The following DNAJC3 variants were observed in gnomAD, a reference collection of about 807,000 sequenced individuals.
DNAJC3 encodes DnaJ heat shock protein family (Hsp40) member C3, also known as dnaJ homolog subfamily C member 3.
Under a neutral mutation model 68.6 loss-of-function variants are expected in DNAJC3, and 38 were observed. That is an observed-to-expected ratio of 0.55 (90% CI 0.43 to 0.73). The LOEUF is 0.73. Among genes scored for constraint, DNAJC3 ranks in the 30% least tolerant of loss-of-function variants. The pLI is 0.00. For missense variants in DNAJC3, 526 were observed against 591.9 expected, an observed-to-expected ratio of 0.89 and a Z score of 1.16; for synonymous variants, 203 against 204.0, an observed-to-expected ratio of 1.00 and a Z score of 0.04.
chr13:95,719,770 G>A (rs1392393830), intron 2 of DNAJC3, among the ~76,000 whole-genome samples: 2 of 152,166 alleles, frequency 1.3e-5, no homozygotes, highest in Non-Finnish European at 2.9e-5. Flanking sequence ...GAATTAGTGA[G>A]CACTCCAGAA....
In DNAJC3 at chr13:95,791,184, C is replaced by A; in HGVS notation, c.*154C>A. The A allele has an allele frequency of 1.2e-6, 1 of 862,114 alleles. No individual in the cohort carries two copies. Among genetic ancestry groups the A allele is most frequent in the Non-Finnish European group, 1.8e-6 (1 of 567,406 alleles). The allele number at this position is 862,114 out of a possible 1,614,324, so 53.4% of individuals were successfully genotyped here. A position where few individuals can be genotyped will look rare whatever the true frequency, so the allele number is the denominator to read the frequency against. ...GGAAAAAATCTGTTCTTATCCCTGT[C>A]AGATTTATGGTTAATGGGTTTGCAA... On this transcript the variant is annotated 3_prime_UTR_variant, in exon 12 of 12. Coordinates refer to ENST00000602402, the MANE Select transcript of DNAJC3 (RefSeq NM_006260.5).
chr13:95,702,268 C>T (rs1486571214), intron 1 of DNAJC3, among the ~76,000 whole-genome samples: 1 of 152,080 alleles, frequency 6.6e-6, no homozygotes, highest in East Asian at 1.9e-4. Context: ...TTTCTCTTAC[C>T]CTCCCAAGCA....
chr13:95,736,408 T>A (rs1371513115), intron 4 of DNAJC3, among the ~76,000 whole-genome samples: 5 of 149,516 alleles, frequency 3.3e-5, no homozygotes, highest in African/African-American at 1.2e-4. Flanking sequence ...TAAATTACCT[T>A]GGGCAGTATG....
intron 1 of DNAJC3, among the ~76,000 whole-genome samples, chr13:95,696,708 C>T (rs1880449710): frequency 6.6e-6 from 1 of 151,586 alleles, no homozygotes; most frequent in African/African-American, 2.4e-5. Flanking sequence ...TGTCTTTAGC[C>T]ATTAGGTGAG....
intron 1 of DNAJC3, among the ~76,000 whole-genome samples, chr13:95,686,705 C>T (rs1483485165): frequency 6.6e-6 from 1 of 151,846 alleles, no homozygotes; most frequent in Non-Finnish European, 1.5e-5. Flanking sequence ...GGTTTTATTT[C>T]TGGGGTTCTC....
chr13:95,694,199 C>G (rs1275637892), intron 1 of DNAJC3: 1 of 152,354 alleles, frequency 6.6e-6, no homozygotes, highest in Non-Finnish European at 1.5e-5. Flanking sequence ...CAAATCAACA[C>G]CAATTCTATT....
At chr13:95,765,997 T>G (rs1455432936) in intron 9 of DNAJC3, among the ~76,000 whole-genome samples, 2 of 152,234 alleles carry the variant, frequency 1.3e-5, no homozygotes, top group Admixed American at 6.5e-5. Context: ...CCTGTATAAC[T>G]GAAACTGATA....
intron 2 of DNAJC3, among the ~76,000 whole-genome samples, chr13:95,712,480 G>A (rs373757028): frequency 5.9e-5 from 9 of 151,270 alleles, no homozygotes; most frequent in African/African-American, 1.5e-4. Flanking sequence ...AGGTTTAGGC[G>A]ATTCTCCTGC....
At chr13:95,751,753 A>G (rs745737703) in intron 4 of DNAJC3, among the ~76,000 whole-genome samples, 2 of 152,230 alleles carry the variant, frequency 1.3e-5, no homozygotes, top group Non-Finnish European at 2.9e-5. Flanking sequence ...CATACCCGAC[A>G]CTGGGTAATT....
intron 2 of DNAJC3, among the ~76,000 whole-genome samples, chr13:95,713,000 T>G (rs995860882): frequency 6.6e-6 from 1 of 152,104 alleles, no homozygotes; most frequent in Non-Finnish European, 1.5e-5. Context: ...AAGGGACTTT[T>G]CCCCCTTTTG....
intron 9 of DNAJC3, among the ~76,000 whole-genome samples, chr13:95,773,159 T>G (rs1171016349): frequency 2.6e-5 from 4 of 150,952 alleles, no homozygotes; most frequent in Non-Finnish European, 5.9e-5. Flanking sequence ...TTAGTTTTTT[T>G]TTTTTTTTTC....
At chr13:95,783,874 C>G (rs1883520805) in intron 9 of DNAJC3, among the ~76,000 whole-genome samples, 1 of 152,152 alleles carries the variant, frequency 6.6e-6, no homozygotes, top group Non-Finnish European at 1.5e-5. Flanking sequence ...ACAGGACTCT[C>G]TACAAGGCCA....
At chr13:95,689,772 T>C (rs1216005966) in intron 1 of DNAJC3, among the ~76,000 whole-genome samples, 1 of 152,136 alleles carries the variant, frequency 6.6e-6, no homozygotes, top group Non-Finnish European at 1.5e-5. Flanking sequence ...TTTTGTGGTA[T>C]CCCAGAGGTT....
intron 6 of DNAJC3, 83 bp downstream of exon 6, chr13:95,760,304 T>A: frequency 1.7e-6 from 2 of 1,204,852 alleles, no homozygotes; most frequent in Non-Finnish European, 2.2e-6. Flanking sequence ...ATTTTAATAT[T>A]AAATTAATAA....
At chr13:95,702,358 G>A (rs1187363414) in intron 1 of DNAJC3, among the ~76,000 whole-genome samples, 4 of 152,138 alleles carry the variant, frequency 2.6e-5, no homozygotes, top group African/African-American at 7.2e-5. Flanking sequence ...AAGGAGAAAT[G>A]CGTTGGCTAC....
chr13:95,709,299 A>G lies in DNAJC3; in HGVS notation c.155A>G (p.Gln52Arg), dbSNP rs1312871601. 1 of 1,589,638 alleles carries G rather than the reference A, an allele frequency of 6.3e-7. No homozygotes were observed. ...ELGKKLLAAG[Q>R]LADALSQFHA... ...GGCAAGAAATTACTTGCAGCTGGAC[A>G]GCTAGCTGATGCTTTATCTCAGTTT... Residue 52 changes from glutamine (Q) to arginine (R), a missense_variant, in exon 2 of 12, where the codon CAG (glutamine) becomes CGG (arginine). Coordinates refer to ENST00000602402, the MANE Select transcript of DNAJC3 (RefSeq NM_006260.5).
chr13:95,765,566 T>TG (rs372298097), intron 9 of DNAJC3, among the ~76,000 whole-genome samples: 42 of 147,426 alleles, frequency 2.8e-4, no homozygotes, highest in Non-Finnish European at 5.7e-4. Flanking sequence ...ATAATTGATC[T>TG]GTTTTTTTTT....
At chr13:95,714,176 G>C (rs1881062915) in intron 2 of DNAJC3, among the ~76,000 whole-genome samples, 2 of 152,192 alleles carry the variant, frequency 1.3e-5, no homozygotes, top group Admixed American at 1.3e-4. Context: ...ACTTTAAAAA[G>C]TTACCTGCAA....
At chr13:95,724,579 T>C (rs1340216134) in intron 3 of DNAJC3, among the ~76,000 whole-genome samples, 1 of 152,232 alleles carries the variant, frequency 6.6e-6, no homozygotes, top group Admixed American at 6.5e-5. Context: ...TTTTAGTATA[T>C]TCACAAGTTG....
Sources: gnomAD v4.1 joint callset for allele counts (sites outside exome capture counted in the v4.1 genomes callset) on GRCh38, gnomAD v4.1.1 for gene constraint, MANE v1.5 for transcripts, NCBI Gene and HGNC (gene_info 2026-07-23, HGNC 2026-07-21) for gene names.